Variants in PTPRK observed in about 807,000 individuals in gnomAD.
PTPRK encodes protein tyrosine phosphatase receptor type K, also known as receptor-type tyrosine-protein phosphatase kappa.
A neutral mutation model predicts 178.0 loss-of-function variants in PTPRK; 75 were observed. That is an observed-to-expected ratio of 0.42 (90% confidence interval 0.35 to 0.51). The LOEUF is 0.51. PTPRK is among the 20% of genes least tolerant of loss of function. The pLI is 0.02. For missense variants in PTPRK, 1,441 were observed against 1,797.8 expected, an observed-to-expected ratio of 0.80 and a Z score of 3.59; for synonymous variants, 637 against 620.6, an observed-to-expected ratio of 1.03 and a Z score of -0.39.
chr6:128,041,343 A>C, intron 13 of PTPRK, among the ~76,000 whole-genome samples: 1 of 152,066 alleles, frequency 6.6e-6, no homozygotes, highest in South Asian at 2.1e-4. Context: ...CTTTGAAGTA[A>C]TCCACATTTC....
chr6:128,349,417 T>C (rs1468918354), intron 2 of PTPRK, among the ~76,000 whole-genome samples: 1 of 152,104 alleles, frequency 6.6e-6, no homozygotes, highest in African/African-American at 2.4e-5. Flanking sequence ...CAGAAATTCA[T>C]TGTAGTTTAA....
chr6:128,117,135 G>A (rs926700849), intron 7 of PTPRK, among the ~76,000 whole-genome samples: 3 of 151,844 alleles, frequency 2.0e-5, no homozygotes, highest in Non-Finnish European at 4.4e-5. Context: ...GACAGAACAA[G>A]ACTCTGTCAA....
chr6:128,463,741 GTTTTTT>G (rs896710320), intron 1 of PTPRK, among the ~76,000 whole-genome samples: 3 of 96,880 alleles, frequency 3.1e-5, no homozygotes, highest in South Asian at 6.7e-4. Context: ...AATCTTCACG[GTTTTTT>G]TTTTTTTTTT....
chr6:128,312,812 A>C (rs1584090154), intron 3 of PTPRK, among the ~76,000 whole-genome samples: 1 of 152,134 alleles, frequency 6.6e-6, no homozygotes, highest in South Asian at 2.1e-4. Flanking sequence ...GCATGTACTA[A>C]GAACTTAGCA....
chr6:128,483,105 A>G (rs1039969308), intron 1 of PTPRK, among the ~76,000 whole-genome samples: 1 of 152,212 alleles, frequency 6.6e-6, no homozygotes, highest in Non-Finnish European at 1.5e-5. Context: ...CACTAGGCCC[A>G]GCAATTTATC....
chr6:128,211,337 T>C (rs904028882), intron 6 of PTPRK, among the ~76,000 whole-genome samples: 1 of 152,136 alleles, frequency 6.6e-6, no homozygotes, highest in African/African-American at 2.4e-5. Context: ...CAATCTATGC[T>C]GAGGAGTGAC....
At chr6:128,029,303 C>G (rs1257291567) in intron 13 of PTPRK, among the ~76,000 whole-genome samples, 2 of 152,076 alleles carry the variant, frequency 1.3e-5, no homozygotes, top group Admixed American at 1.3e-4. Context: ...CAGATGCCAG[C>G]ACTACGCTTC....
At chr6:128,168,018 A>C (rs139650442) in intron 7 of PTPRK, among the ~76,000 whole-genome samples, 1 of 152,224 alleles carries the variant, frequency 6.6e-6, no homozygotes, top group African/African-American at 2.4e-5. Flanking sequence ...TAAAAATCTT[A>C]TTTAAAACAT....
intron 1 of PTPRK, among the ~76,000 whole-genome samples, chr6:128,408,458 T>C (rs957658028): frequency 1.3e-5 from 2 of 152,248 alleles, no homozygotes; most frequent in South Asian, 2.1e-4. Context: ...AGCTTCACTA[T>C]TCGAGTAAGG....
intron 2 of PTPRK, among the ~76,000 whole-genome samples, chr6:128,326,369 A>G (rs1829565514): frequency 1.3e-5 from 2 of 152,196 alleles, no homozygotes; most frequent in African/African-American, 4.8e-5. Flanking sequence ...TGTATACTAA[A>G]TAAACCATCA....
At chr6:128,453,022 T>A (rs1847978015) in intron 1 of PTPRK, among the ~76,000 whole-genome samples, 1 of 152,188 alleles carries the variant, frequency 6.6e-6, no homozygotes, top group Non-Finnish European at 1.5e-5. Context: ...ACAGCTGACC[T>A]GCAGATTTAG....
chr6:128,111,788 C>T (rs1790712403), intron 7 of PTPRK, among the ~76,000 whole-genome samples: 1 of 151,962 alleles, frequency 6.6e-6, no homozygotes, highest in Non-Finnish European at 1.5e-5. Flanking sequence ...CTTTATAATG[C>T]TTTGTGATAT....
intron 2 of PTPRK, among the ~76,000 whole-genome samples, chr6:128,358,075 A>G (rs1562350247): frequency 6.6e-6 from 1 of 152,242 alleles, no homozygotes; most frequent in African/African-American, 2.4e-5. Flanking sequence ...GTTAAATTCA[A>G]TATAGTTTTA....
At chr6:128,003,330 T>C (rs979449308) in intron 15 of PTPRK, 2 of 1,192,538 alleles carry the variant, frequency 1.7e-6, no homozygotes, top group African/African-American at 1.5e-5. Flanking sequence ...TTAAGAAATA[T>C]AATTATTAAA....
At position 128,515,583 on chromosome 6, in the gene PTPRK, CGCAAAG is replaced by C. The variant is rs141119426; in HGVS notation, c.100+4670_100+4675del. Among the ~76,000 whole-genome samples the C allele has an allele frequency of 8.5e-3, 1,289 of 152,142 alleles. 22 individuals are homozygous for C. Among genetic ancestry groups the C allele is most frequent in the African/African-American group, 0.03 (1,244 of 41,500 alleles). On this transcript the variant is annotated intron_variant, in intron 1 of 29. Transcript: ENST00000368226. Reference sequence around the variant, plus strand: ...TTGACAGAACTAGAAAATGTGTTTGCGCAAAGGCAAAGGCTGATTTCAATAAACAAG... The same window carrying C: ...TTGACAGAACTAGAAAATGTGTTTGCGCAAAGGCTGATTTCAATAAACAAG...
intron 3 of PTPRK, among the ~76,000 whole-genome samples, chr6:128,249,298 T>TTAA (rs1554372270): frequency 0.034 from 4,572 of 132,790 alleles, 185 homozygotes; most frequent in African/African-American, 0.094. Context: ...TGGTGTGATT[T>TTAA]AAAAAAAAAA....
intron 7 of PTPRK, among the ~76,000 whole-genome samples, chr6:128,135,336 G>A (rs1486075300): frequency 6.6e-6 from 1 of 152,108 alleles, no homozygotes; most frequent in African/African-American, 2.4e-5. Flanking sequence ...GAGAGGGCTG[G>A]ACCCAAGAGC....
At chr6:128,334,035 A>G (rs72972090) in intron 2 of PTPRK, among the ~76,000 whole-genome samples, 13,611 of 152,204 alleles carry the variant, frequency 0.089, 743 homozygotes, top group African/African-American at 0.15. Flanking sequence ...GGGAACAGCC[A>G]GTAGGTGGAA....
chr6:128,365,256 T>C (rs1835325999), intron 2 of PTPRK, among the ~76,000 whole-genome samples: 1 of 152,094 alleles, frequency 6.6e-6, no homozygotes, highest in African/African-American at 2.4e-5. Flanking sequence ...ACTGTCTGTA[T>C]ATTCAATTTT....
Sources: allele counts gnomAD v4.1 joint callset (sites outside exome capture counted in the v4.1 genomes callset), GRCh38; gene constraint gnomAD v4.1.1; transcripts MANE v1.5; gene names NCBI Gene and HGNC (gene_info 2026-07-23, HGNC 2026-07-21).